The following TAL1 variants were observed in gnomAD, a reference collection of about 807,000 sequenced individuals.
TAL1 encodes the protein T-cell acute lymphocytic leukemia protein 1.
In TAL1, 8 loss-of-function variants were observed where a neutral mutation model predicts 17.9. The ratio of observed to expected loss-of-function variants is 0.45; its 90% CI spans 0.26 to 0.81. TAL1 has a LOEUF of 0.81. Among genes scored for constraint, TAL1 ranks in the 30% least tolerant of loss-of-function variants. The pLI is 0.17. For missense variants in TAL1, 466 were observed against 486.9 expected (o/e 0.96, Z 0.40); for synonymous variants, 223 against 218.6 (o/e 1.02, Z -0.18).
At chr1:47,219,717 C>T (rs1284406634) in exon 4 of TAL1, 1 of 1,608,332 alleles carries the variant, frequency 6.2e-7, no homozygotes, top group Non-Finnish European at 8.5e-7. Flanking sequence ...TGGCCCAGAC[C>T]CATCACCGAG....
rs1325994966 is a variant in TAL1, at chr1:47,224,106, A to T, written c.447-8T>A. On this transcript the variant is annotated splice_region_variant and splice_polypyrimidine_tract_variant and intron_variant, in intron 2 of 3. Coordinates refer to ENST00000294339, the Ensembl canonical transcript of TAL1. ...GGCTCCCCAAAGAACCCGCTGTGGGAGGGAACGGGCAGATCACAAGATCCC... is the reference window on the plus strand; with the variant it reads ...GGCTCCCCAAAGAACCCGCTGTGGGTGGGAACGGGCAGATCACAAGATCCC... The T allele has an allele frequency of 1.2e-6, 2 of 1,613,168 alleles. No individual in the cohort carries two copies. The highest frequency in any genetic ancestry group is 1.7e-6 in the Non-Finnish European group (2 of 1,179,614).
upstream of TAL1, chr1:47,231,063 C>G (rs1328009199): frequency 6.3e-6 from 1 of 157,532 alleles, no homozygotes; most frequent in Non-Finnish European, 1.4e-5. Context: ...TGGATGAAGC[C>G]GGAGTGCAGC....
chr1:47,227,022 C>T (rs577827448), intron 1 of TAL1: 10 of 152,364 alleles, frequency 6.6e-5, no homozygotes, highest in Admixed American at 2.0e-4. Context: ...TGTCAAGTCA[C>T]TCACAGCCTA....
rs2148584197 is a variant in TAL1, at chr1:47,219,210, G to A, written c.*510C>T. 8 of 435,884 alleles carry A rather than the reference G, an allele frequency of 1.8e-5. 1 individual carries two copies. The highest frequency in any genetic ancestry group is 1.7e-4 in the South Asian group (8 of 46,820). 27.0% of individuals were successfully genotyped at this position (435,884 alleles called of 1,614,324 possible). On this transcript the variant is annotated 3_prime_UTR_variant, in exon 4 of 4. Coordinates refer to ENST00000294339, the Ensembl canonical transcript of TAL1. ...GTGACTCTGCAGCATCTGGCAAGCT[G>A]GATGGATCAACATAGGCCTGGGTGA...
chr1:47,217,131 G>C, exon 4 of TAL1: 1 of 238,392 alleles, frequency 4.2e-6, no homozygotes, highest in African/African-American at 2.2e-5. Context: ...TGTGATCCCA[G>C]TGCTTCTGGA....
intron 1 of TAL1, among the ~76,000 whole-genome samples, chr1:47,227,003 C>T (rs1278611947): frequency 6.6e-6 from 1 of 152,224 alleles, no homozygotes; most frequent in African/African-American, 2.4e-5. Flanking sequence ...AGAAAACTGC[C>T]TGGCCGAATG....
At chr1:47,219,877 AGGTCATCTGGGGGCG>A (rs776355818) in exon 4 of TAL1, 3 of 1,585,156 alleles carry the variant, frequency 1.9e-6, no homozygotes, top group Admixed American at 1.7e-5. Context: ...GTCTTGCAGG[AGGTCATCTGGGGGCG>A]CGCCGCCCCC....
chr1:47,225,119 C>G (rs1435032616), intron 2 of TAL1, among the ~76,000 whole-genome samples: 2 of 152,174 alleles, frequency 1.3e-5, no homozygotes, highest in African/African-American at 4.8e-5. Context: ...CTCTCCGTCC[C>G]CCACGACACC....
At chr1:47,226,194 A>T in intron 1 of TAL1, 2 of 393,086 alleles carry the variant, frequency 5.1e-6, no homozygotes, top group Non-Finnish European at 9.0e-6. Context: ...GAATACAGCC[A>T]GCGACAGAAA....
upstream of TAL1, chr1:47,231,723 G>A: frequency 4.3e-6 from 1 of 233,640 alleles, no homozygotes; most frequent in Non-Finnish European, 8.5e-6. Flanking sequence ...ACGCAGAAGG[G>A]CCTCGAAGGG....
exon 1 of TAL1, chr1:47,229,289 C>G: frequency 4.8e-6 from 1 of 207,796 alleles, no homozygotes; most frequent in Non-Finnish European, 9.8e-6. Context: ...ACACCCGGGT[C>G]TTTGCTTTCC....
chr1:47,229,618 A>C, exon 1 of TAL1: 1 of 155,944 alleles, frequency 6.4e-6, no homozygotes, highest in Non-Finnish European at 1.4e-5. Context: ...AGCAACAACA[A>C]CCCCTCCCGA....
At chr1:47,217,751 A>G in exon 4 of TAL1, 1 of 398,610 alleles carries the variant, frequency 2.5e-6, no homozygotes, top group East Asian at 3.6e-5. Context: ...CCACCCATCC[A>G]TACTGTGGCT....
chr1:47,231,843 C>G, upstream of TAL1: 1 of 233,736 alleles, frequency 4.3e-6, no homozygotes. Flanking sequence ...TTCTCATGAA[C>G]GCACTCTCAC....
At chr1:47,219,868 T>G (rs1645580363) in exon 4 of TAL1, 6 of 1,591,328 alleles carry the variant, frequency 3.8e-6, no homozygotes, top group Non-Finnish European at 5.1e-6. Context: ...GGAAAGCACG[T>G]CTTGCAGGAG....
chr1:47,223,962 A>G (rs755820016), intron 3 of TAL1, 42 bp downstream of exon 4: 1 of 1,573,444 alleles, frequency 6.4e-7, no homozygotes, highest in South Asian at 1.1e-5. Flanking sequence ...GGCTCTAACC[A>G]GCGTGAGGGG....
chr1:47,231,114 C>G (rs1644005609), upstream of TAL1: 1 of 167,772 alleles, frequency 6.0e-6, no homozygotes, highest in East Asian at 1.1e-4. Context: ...AGGCGCCGGC[C>G]TCGGCGAGCG....
At chr1:47,217,159 T>A (rs764179640) in exon 4 of TAL1, 25 of 242,480 alleles carry the variant, frequency 1.0e-4, no homozygotes, top group East Asian at 1.8e-4. Flanking sequence ...GCAGGAGAAT[T>A]GCCTGAAGCC....
exon 4 of TAL1, chr1:47,217,722 TC>T: frequency 2.5e-6 from 1 of 398,576 alleles, no homozygotes; most frequent in Non-Finnish European, 4.4e-6. Flanking sequence ...AAATATGTGA[TC>T]CATCTCATAA....
Sources: allele counts gnomAD v4.1 joint callset (sites outside exome capture counted in the v4.1 genomes callset), GRCh38; gene constraint gnomAD v4.1.1; transcripts MANE v1.5; gene names NCBI Gene and HGNC (gene_info 2026-07-23, HGNC 2026-07-21).